Variants in PTPRD observed in about 807,000 individuals in gnomAD.
PTPRD encodes protein tyrosine phosphatase receptor type D.
In PTPRD, 34 loss-of-function variants were observed where a neutral mutation model predicts 214.5. That is an observed-to-expected ratio of 0.16 (90% CI 0.12 to 0.21). The LOEUF is 0.21. Ranked by LOEUF, PTPRD falls within the 10% of genes least tolerant of loss-of-function variation. PTPRD has a pLI of 1.00. For synonymous variants in PTPRD, 1,128 were observed against 845.7 expected (o/e 1.33, Z -5.79); for missense variants, 2,545 against 2,398.7 (o/e 1.06, Z -1.27).
intron 9 of PTPRD, among the ~76,000 whole-genome samples, chr9:9,258,172 G>A (rs1405666579): frequency 2.0e-5 from 3 of 151,942 alleles, no homozygotes; most frequent in Non-Finnish European, 2.9e-5. Flanking sequence ...ACATTACGAT[G>A]GCTGACAGCT....
In PTPRD at chr9:8,931,461, G is replaced by A. The variant is rs144464067; in HGVS notation, c.-104+87236C>T. On this transcript the variant is annotated intron_variant, in intron 11 of 45. Transcript: ENST00000381196. ...GTAATGCGGGCTCTTTTTTGGTTCC[G>A]TATGAACTTTAAAGTAGTTTTTTCC... Among the ~76,000 whole-genome samples, 842 of 152,102 alleles carry A rather than the reference G, an allele frequency of 5.5e-3. 8 individuals carry two copies. Among genetic ancestry groups the A allele is most frequent in the African/African-American group, 0.018 (761 of 41,470 alleles).
chr9:10,324,077 A>G (rs939935036), intron 3 of PTPRD, among the ~76,000 whole-genome samples: 3 of 152,102 alleles, frequency 2.0e-5, no homozygotes, highest in African/African-American at 7.2e-5. Flanking sequence ...TTCTTTAAAT[A>G]AAGCAAACCC....
chr9:8,576,555 T>A (rs770707505), intron 14 of PTPRD, among the ~76,000 whole-genome samples: 2 of 151,376 alleles, frequency 1.3e-5, no homozygotes, highest in Non-Finnish European at 2.9e-5. Flanking sequence ...GTTCTCTTTT[T>A]GTGTGCATAT....
intron 4 of PTPRD, among the ~76,000 whole-genome samples, chr9:10,031,643 TATATAC>T (rs1472136528): frequency 8.5e-5 from 6 of 70,974 alleles, no homozygotes; most frequent in African/African-American, 3.7e-4. Flanking sequence ...TATATATATA[TATATAC>T]ACACACACAC....
chr9:8,725,455 T>A (rs1418637018), intron 12 of PTPRD, among the ~76,000 whole-genome samples: 1 of 152,166 alleles, frequency 6.6e-6, no homozygotes, highest in Non-Finnish European at 1.5e-5. Flanking sequence ...AATGAGCCAA[T>A]CAGTCAATGT....
chr9:8,724,536 TCTTC>T (rs1194123520), intron 12 of PTPRD, among the ~76,000 whole-genome samples: 1 of 152,178 alleles, frequency 6.6e-6, no homozygotes, highest in African/African-American at 2.4e-5. Flanking sequence ...GTTGTAAATG[TCTTC>T]CTATAGCAGC....
chr9:9,587,188 A>C (rs1033653171), intron 7 of PTPRD, among the ~76,000 whole-genome samples: 24 of 152,128 alleles, frequency 1.6e-4, no homozygotes, highest in African/African-American at 5.5e-4. Flanking sequence ...TACATCCAGC[A>C]AGTTACTTAA....
chr9:8,934,482 T>TATAG (rs2098980398), intron 11 of PTPRD, among the ~76,000 whole-genome samples: 1 of 7,654 alleles, frequency 1.3e-4, no homozygotes. Flanking sequence ...TATATAAATA[T>TATAG]ATATATATAT....
At chr9:9,513,467 C>T (rs920541786) in intron 8 of PTPRD, among the ~76,000 whole-genome samples, 2 of 151,726 alleles carry the variant, frequency 1.3e-5, no homozygotes, top group African/African-American at 2.4e-5. Flanking sequence ...AAAATGCTTA[C>T]TATATATAAT....
At chr9:8,412,793 T>A (rs562897675) in intron 35 of PTPRD, among the ~76,000 whole-genome samples, 1 of 152,182 alleles carries the variant, frequency 6.6e-6, no homozygotes, top group East Asian at 1.9e-4. Context: ...CTACTTACTA[T>A]ATAACATGCC....
At chr9:8,743,303 C>G (rs1425140343) in intron 11 of PTPRD, among the ~76,000 whole-genome samples, 2 of 152,106 alleles carry the variant, frequency 1.3e-5, no homozygotes, top group African/African-American at 2.4e-5. Flanking sequence ...AGTTCACAGG[C>G]TTAGGCAGCA....
At chr9:9,967,670 AAAATGAG>A (rs2094801685) in intron 4 of PTPRD, among the ~76,000 whole-genome samples, 1 of 152,188 alleles carries the variant, frequency 6.6e-6, no homozygotes, top group Non-Finnish European at 1.5e-5. Context: ...ATTAAAACAG[AAAATGAG>A]AAGTTTAAGC....
rs1048390262 is a variant in PTPRD at position 8,359,068 on chromosome 9, A to G, written c.4661+16868T>C. Among the ~76,000 whole-genome samples the G allele has an allele frequency of 1.8e-4, 22 of 120,208 alleles. 1 individual carries two copies. Among genetic ancestry groups the G allele is most frequent in the African/African-American group, 7.0e-4 (22 of 31,258 alleles). The allele number at this position is 120,208 out of a possible 152,430, so 78.9% of individuals were successfully genotyped here. A position where few individuals can be genotyped will look rare whatever the true frequency, so the allele number is the denominator to read the frequency against. On this transcript the variant is annotated intron_variant, in intron 39 of 45. Coordinates refer to ENST00000381196, the MANE Select transcript of PTPRD (RefSeq NM_002839.4). The stretch of plus-strand genomic sequence containing the variant: ...GCTTGCAGTGAGCCGAGATTGCACC[A>G]CTGCACTCCCACCTGGGCCACAGAG...
intron 3 of PTPRD, among the ~76,000 whole-genome samples, chr9:10,320,490 C>T (rs1016605931): frequency 6.6e-5 from 10 of 151,894 alleles, no homozygotes; most frequent in Non-Finnish European, 1.3e-4. Flanking sequence ...GCACCTTTTG[C>T]AAAAACGAAT....
chr9:9,998,064 G>T (rs537018682), intron 4 of PTPRD, among the ~76,000 whole-genome samples: 1 of 145,304 alleles, frequency 6.9e-6, no homozygotes, highest in African/African-American at 2.6e-5. Context: ...TTTCTTTCTT[G>T]GAACACAAAC....
chr9:10,207,621 G>A (rs1050364758), intron 3 of PTPRD, among the ~76,000 whole-genome samples: 1 of 151,900 alleles, frequency 6.6e-6, no homozygotes, highest in African/African-American at 2.4e-5. Flanking sequence ...GACTCAGAAT[G>A]TATGTTTGTA....
intron 9 of PTPRD, among the ~76,000 whole-genome samples, chr9:9,214,262 G>A (rs575203546): frequency 1.3e-5 from 2 of 152,264 alleles, no homozygotes; most frequent in South Asian, 2.1e-4. Flanking sequence ...CAGCTAGTGT[G>A]TTCCCCGATA....
At chr9:8,609,578 C>G (rs1043205882) in intron 14 of PTPRD, among the ~76,000 whole-genome samples, 4 of 152,106 alleles carry the variant, frequency 2.6e-5, no homozygotes, top group Non-Finnish European at 4.4e-5. Flanking sequence ...CATCCATACA[C>G]AAAAACCACA....
intron 39 of PTPRD, among the ~76,000 whole-genome samples, chr9:8,363,153 A>G (rs770252353): frequency 1.3e-5 from 2 of 152,174 alleles, no homozygotes; most frequent in Non-Finnish European, 2.9e-5. Context: ...GCTCTTGATA[A>G]AATTTGGAGG....
Sources: allele counts gnomAD v4.1 joint callset (sites outside exome capture counted in the v4.1 genomes callset), GRCh38; gene constraint gnomAD v4.1.1; transcripts MANE v1.5; gene names NCBI Gene and HGNC (gene_info 2026-07-23, HGNC 2026-07-21).